Variants in DENND2C observed in about 807,000 individuals in gnomAD.
The protein encoded by DENND2C is DENN domain-containing protein 2C.
A neutral mutation model predicts 112.4 loss-of-function variants in DENND2C; 72 were observed. The ratio of observed to expected loss-of-function variants is 0.64; its 90% CI spans 0.53 to 0.78. The LOEUF (loss-of-function observed/expected upper bound fraction) is 0.78. Ranked by LOEUF, DENND2C falls within the 30% of genes least tolerant of loss-of-function variation. The probability of loss-of-function intolerance (pLI) is 0.00; values close to 1 mark genes in which losing one functional copy is unlikely to be tolerated. For synonymous variants in DENND2C, 329 were observed against 381.6 expected (o/e 0.86, Z 1.61); for missense variants, 992 against 1,113.8 (o/e 0.89, Z 1.56).
intron 19 of DENND2C, 119 bp downstream of exon 19, chr1:114,587,597 A>G: frequency 7.1e-7 from 1 of 1,415,470 alleles, no homozygotes; most frequent in Non-Finnish European, 9.7e-7. Flanking sequence ...AATAATTCTC[A>G]TAATAAACAA....
At chr1:114,656,537 C>T (rs1286870028) in intron 1 of DENND2C, among the ~76,000 whole-genome samples, 1 of 151,658 alleles carries the variant, frequency 6.6e-6, no homozygotes, top group African/African-American at 2.4e-5. Flanking sequence ...GCTGGGACTA[C>T]AGGCATGCAC....
At chr1:114,638,856 T>A (rs1656730922) in intron 3 of DENND2C, among the ~76,000 whole-genome samples, 2 of 147,510 alleles carry the variant, frequency 1.4e-5, no homozygotes, top group South Asian at 4.3e-4. Context: ...GACTTGAATA[T>A]CACTATCAAT....
chr1:114,617,749 A>G (rs2101660524), intron 8 of DENND2C, among the ~76,000 whole-genome samples: 1 of 152,118 alleles, frequency 6.6e-6, no homozygotes, highest in South Asian at 2.1e-4. Context: ...AAAAAAAAAG[A>G]CTAATGTTTT....
chr1:114,663,226 C>T lies in DENND2C; in HGVS notation c.-574+6757G>A, dbSNP rs182307902. Among the ~76,000 whole-genome samples, 1,336 of 152,326 alleles carry T rather than the reference C, an allele frequency of 8.8e-3. 9 individuals carry two copies. The highest frequency in any genetic ancestry group is 0.015 in the Admixed American group (237 of 15,304). On this transcript the variant is annotated intron_variant, in intron 1 of 20. Coordinates refer to ENST00000393274, the MANE Select transcript of DENND2C (RefSeq NM_001256404.2). ...TCCATCCTGTCCAACCCTCTGGGAA[C>T]CAGTGCAGAATACCCCTTCAAATTT...
At chr1:114,592,029 C>T (rs1188523261) in intron 18 of DENND2C, among the ~76,000 whole-genome samples, 5 of 151,930 alleles carry the variant, frequency 3.3e-5, no homozygotes, top group Non-Finnish European at 5.9e-5. Context: ...GAATTACAGG[C>T]GCGTACCACC....
chr1:114,651,276 T>TACACAC (rs57202953), intron 2 of DENND2C, among the ~76,000 whole-genome samples: 8,828 of 139,260 alleles, frequency 0.063, 337 homozygotes, highest in Middle Eastern at 0.11. Flanking sequence ...TCCCTACACA[T>TACACAC]ACACACACAC....
rs1657750727 is a variant in DENND2C at position 114,669,974 on chromosome 1, G to C, written c.-574+9C>G. On this transcript the variant is annotated intron_variant, in intron 1 of 20. Transcript: ENST00000393274. ...TTAAAACCCCGCGCCGAATCACCCCGACTCTTACCTGTCTGTACCTCAACG... is the reference window on the plus strand; with the variant it reads ...TTAAAACCCCGCGCCGAATCACCCCCACTCTTACCTGTCTGTACCTCAACG... The C allele has an allele frequency of 6.6e-6, 1 of 152,416 alleles. No homozygotes were observed. The highest frequency in any genetic ancestry group is 1.5e-5 in the Non-Finnish European group (1 of 68,346). The allele number at this position is 152,416 out of a possible 1,614,324, so 9.4% of individuals were successfully genotyped here. A position where few individuals can be genotyped will look rare whatever the true frequency, so the allele number is the denominator to read the frequency against.
chr1:114,668,534 C>CAT (rs1486444221), intron 1 of DENND2C, among the ~76,000 whole-genome samples: 1 of 151,552 alleles, frequency 6.6e-6, no homozygotes, highest in Non-Finnish European at 1.5e-5. Context: ...CACACACACA[C>CAT]ACACACACAC....
At chr1:114,610,771 A>C (rs1350171751) in intron 9 of DENND2C, among the ~76,000 whole-genome samples, 3 of 152,032 alleles carry the variant, frequency 2.0e-5, no homozygotes, top group Non-Finnish European at 4.4e-5. Context: ...GGCTGCCAGG[A>C]AACTACTGCA....
intron 1 of DENND2C, among the ~76,000 whole-genome samples, chr1:114,657,297 T>C (rs1657361035): frequency 6.6e-6 from 1 of 152,232 alleles, no homozygotes; most frequent in African/African-American, 2.4e-5. Flanking sequence ...TATTTATTTT[T>C]ACTTTATTAC....
At chr1:114,662,346 G>A (rs746467412) in intron 1 of DENND2C, among the ~76,000 whole-genome samples, 3 of 151,876 alleles carry the variant, frequency 2.0e-5, no homozygotes, top group Non-Finnish European at 4.4e-5. Context: ...TTAAGTAGCA[G>A]CAAAAATAAC....
chr1:114,621,968 G>A lies in DENND2C; in HGVS notation c.1154C>T (p.Pro385Leu), dbSNP rs773027446. Reference sequence around the variant, plus strand: ...AAGCTTCCATTCCGTTAAAGTGACCGGCAAAGTTGTATCTTTTGTAAGCTT... The same window carrying A: ...AAGCTTCCATTCCGTTAAAGTGACCAGCAAAGTTGTATCTTTTGTAAGCTT... ...RSKLTKDTTL[P>L]VTLTEWKLFR... Residue 385 changes from proline (P) to leucine (L), a missense_variant, in exon 7 of 21, where the codon CCG becomes CTG. By Grantham distance (98) the Pro-to-Leu change is moderately conservative. Transcript: ENST00000393274. The A allele has an allele frequency of 5.0e-5, 78 of 1,550,642 alleles. No individual in the cohort carries two copies. Among genetic ancestry groups the A allele is most frequent in the East Asian group, 1.2e-4 (5 of 40,934 alleles).
At chr1:114,641,716 T>C (rs1033659880) in intron 3 of DENND2C, among the ~76,000 whole-genome samples, 1 of 152,092 alleles carries the variant, frequency 6.6e-6, no homozygotes, top group Non-Finnish European at 1.5e-5. Flanking sequence ...AAACCTCTTT[T>C]CTTTATAAAT....
chr1:114,639,072 C>G (rs1035710645), intron 3 of DENND2C, among the ~76,000 whole-genome samples: 11 of 151,994 alleles, frequency 7.2e-5, no homozygotes, highest in African/African-American at 2.7e-4. Flanking sequence ...CACAATAAAG[C>G]ACATGAAAAG....
At chr1:114,608,612 C>A in intron 10 of DENND2C, 74 bp downstream of exon 10, 1 of 1,510,972 alleles carries the variant, frequency 6.6e-7, no homozygotes, top group South Asian at 1.3e-5. Context: ...TAACAAAAAC[C>A]AAGAGGACAG....
intron 2 of DENND2C, among the ~76,000 whole-genome samples, chr1:114,651,693 C>T (rs575781746): frequency 2.0e-5 from 3 of 152,284 alleles, no homozygotes; most frequent in South Asian, 4.1e-4. Context: ...GCTGAGATCA[C>T]GCCACTGCAC....
chr1:114,589,451 T>C (rs1387140998), intron 18 of DENND2C, among the ~76,000 whole-genome samples: 1 of 152,222 alleles, frequency 6.6e-6, no homozygotes, highest in East Asian at 1.9e-4. Flanking sequence ...TTTTGTTATA[T>C]TTTGTCCAAC....
chr1:114,649,934 G>C (rs1264948260), intron 2 of DENND2C, among the ~76,000 whole-genome samples: 1 of 152,158 alleles, frequency 6.6e-6, no homozygotes, highest in Non-Finnish European at 1.5e-5. Flanking sequence ...ACATTTTGGT[G>C]TATCTTCTGT....
chr1:114,601,981 G>C (rs1260022560), intron 12 of DENND2C, 144 bp downstream of exon 12: 3 of 706,910 alleles, frequency 4.2e-6, no homozygotes, highest in Non-Finnish European at 7.0e-6. Flanking sequence ...CCTTCCTCTT[G>C]CTGTTTAAAG....
Sources: gnomAD v4.1 joint callset for allele counts (sites outside exome capture counted in the v4.1 genomes callset) on GRCh38, gnomAD v4.1.1 for gene constraint, MANE v1.5 for transcripts, NCBI Gene and HGNC (gene_info 2026-07-23, HGNC 2026-07-21) for gene names.